Variants in EPM2A observed in about 807,000 individuals in gnomAD.
The protein encoded by EPM2A is laforin.
Under a neutral mutation model 26.5 loss-of-function variants are expected in EPM2A, and 21 were observed. The ratio of observed to expected loss-of-function variants is 0.79; its 90% CI spans 0.56 to 1.14. The LOEUF is 1.14. Ranked by LOEUF, EPM2A falls within the 50% of genes most tolerant of loss-of-function variation. The pLI is 0.00. For synonymous variants in EPM2A, 217 were observed against 177.6 expected, an observed-to-expected ratio of 1.22 and a Z score of -1.76; for missense variants, 458 against 440.8, an observed-to-expected ratio of 1.04 and a Z score of -0.35.
At position 145,602,775 on chromosome 6, in the gene EPM2A, G is replaced by C. The variant is rs145937441; in HGVS notation, c.340+32470C>G. Among the ~76,000 whole-genome samples the C allele has an allele frequency of 2.5e-3, 378 of 152,258 alleles. 4 individuals are homozygous for C. The highest frequency in any genetic ancestry group is 8.5e-3 in the African/African-American group (353 of 41,550). ...TCAAAACCATCTGACATAGGAAAAAGTGTTACGGAGGGGAAACTGAAATAG... is the reference window on the plus strand; with the variant it reads ...TCAAAACCATCTGACATAGGAAAAACTGTTACGGAGGGGAAACTGAAATAG... On this transcript the variant is annotated intron_variant, in intron 2 of 3. Transcript: ENST00000450221.
intron 4 of EPM2A, among the ~76,000 whole-genome samples, chr6:145,492,380 C>T (rs1779766696): frequency 6.6e-6 from 1 of 152,124 alleles, no homozygotes; most frequent in Non-Finnish European, 1.5e-5. Context: ...CCTGCCACCC[C>T]CAAGGCCCCT....
chr6:145,534,977 A>G (rs1411108076), intron 2 of EPM2A, among the ~76,000 whole-genome samples: 1 of 152,210 alleles, frequency 6.6e-6, no homozygotes, highest in African/African-American at 2.4e-5. Context: ...GAGCAGGCAC[A>G]TGATATTGTG....
Position 145,625,475 on chromosome 6 carries a change from A to T in EPM2A, c.*1941T>A. 1 of 533,374 alleles carries T rather than the reference A, an allele frequency of 1.9e-6. No individual in the cohort carries two copies. Among genetic ancestry groups the T allele is most frequent in the Non-Finnish European group, 3.3e-6 (1 of 300,296 alleles). The allele number at this position is 533,374 out of a possible 1,614,324, so 33.0% of individuals were successfully genotyped here. ...AAGGTAAAAATCCACCTGAAAAAAG[A>T]TCTTTGTATCATGGAAATTATGAAG... is the stretch of plus-strand genomic sequence containing the variant. On this transcript the variant is annotated 3_prime_UTR_variant, in exon 4 of 4. Transcript: ENST00000367519.
intron 3 of EPM2A, chr6:145,502,493 T>C (rs1779904684): frequency 2.1e-6 from 1 of 469,010 alleles, no homozygotes. Context: ...AGGAAGCTGC[T>C]CACTGGGAGG....
At chr6:145,511,699 G>A (rs1210213755) in intron 2 of EPM2A, among the ~76,000 whole-genome samples, 1 of 151,622 alleles carries the variant, frequency 6.6e-6, no homozygotes, top group African/African-American at 2.4e-5. Context: ...TAAGAAGTGA[G>A]ATGAGACAAA....
chr6:145,421,960 GA>G (rs1778790549), intron 4 of EPM2A, among the ~76,000 whole-genome samples: 1 of 149,324 alleles, frequency 6.7e-6, no homozygotes, highest in Non-Finnish European at 1.5e-5. Context: ...TATATAAAGT[GA>G]AAACTGATGG....
chr6:145,388,754 AC>A (rs1211920839), intron 4 of EPM2A, among the ~76,000 whole-genome samples: 2 of 152,122 alleles, frequency 1.3e-5, no homozygotes, highest in Non-Finnish European at 2.9e-5. Context: ...ATGAGTGAGA[AC>A]ATGCAGTGTT....
At chr6:145,543,380 A>G (rs1192718851) in intron 2 of EPM2A, among the ~76,000 whole-genome samples, 2 of 152,176 alleles carry the variant, frequency 1.3e-5, no homozygotes, top group Non-Finnish European at 2.9e-5. Flanking sequence ...GCCAAACCAT[A>G]GAATGGAGAA....
At chr6:145,480,404 C>T (rs565570866) in intron 4 of EPM2A, among the ~76,000 whole-genome samples, 28 of 152,018 alleles carry the variant, frequency 1.8e-4, no homozygotes, top group African/African-American at 6.8e-4. Flanking sequence ...CCCACCAGGG[C>T]CCCCTTCCAA....
Position 145,718,266 on chromosome 6 carries a change from C to G in EPM2A, c.301+16932G>C, listed in dbSNP as rs1231424512. On this transcript the variant is annotated intron_variant, in intron 1 of 3. Transcript: ENST00000367519. ...AAACAGCATGGTACTGGTACCAAAA[C>G]AGAGATATAGATCAATGGAACAGAA... Among the ~76,000 whole-genome samples the G allele has an allele frequency of 4.7e-5, 7 of 149,108 alleles. No homozygotes were observed. The South Asian group carries it at 1.3e-3, about 27-fold the overall frequency.
At chr6:145,440,438 C>T (rs1025798352) in intron 4 of EPM2A, among the ~76,000 whole-genome samples, 1 of 152,128 alleles carries the variant, frequency 6.6e-6, no homozygotes, top group Non-Finnish European at 1.5e-5. Context: ...CACCCTGGCC[C>T]CTCCCAAATC....
At chr6:145,567,867 A>G (rs1780904661) in intron 2 of EPM2A, among the ~76,000 whole-genome samples, 1 of 152,164 alleles carries the variant, frequency 6.6e-6, no homozygotes, top group Non-Finnish European at 1.5e-5. Flanking sequence ...TGCAGTGCCT[A>G]GAATAAGATG....
At chr6:145,386,580 A>G (rs1469405772) in intron 4 of EPM2A, among the ~76,000 whole-genome samples, 1 of 152,134 alleles carries the variant, frequency 6.6e-6, no homozygotes, top group East Asian at 1.9e-4. Context: ...ACTTTTTTTT[A>G]AAGTTCTTCA....
chr6:145,724,798 G>T (rs897549394), intron 1 of EPM2A, among the ~76,000 whole-genome samples: 1 of 151,916 alleles, frequency 6.6e-6, no homozygotes, highest in Non-Finnish European at 1.5e-5. Context: ...TCCATATGGG[G>T]AGCAAAAAGA....
At chr6:145,425,116 C>CCTTCCTTCCTT (rs1554235704) in intron 4 of EPM2A, among the ~76,000 whole-genome samples, 2 of 131,846 alleles carry the variant, frequency 1.5e-5, no homozygotes, top group Non-Finnish European at 3.3e-5. Context: ...ATGTAAGTCT[C>CCTTCCTTCCTT]CCTTCCTTCC....
chr6:145,462,003 G>A (rs1448558306), intron 4 of EPM2A, among the ~76,000 whole-genome samples: 1 of 152,140 alleles, frequency 6.6e-6, no homozygotes, highest in African/African-American at 2.4e-5. Flanking sequence ...TGCTGGATTC[G>A]AATCCCAGTT....
chr6:145,726,878 C>T (rs1776237323), intron 1 of EPM2A, among the ~76,000 whole-genome samples: 1 of 152,002 alleles, frequency 6.6e-6, no homozygotes, highest in Non-Finnish European at 1.5e-5. Context: ...AAATCTGGAT[C>T]CTAGTTAATA....
chr6:145,586,637 T>C (rs1414013161), intron 2 of EPM2A, among the ~76,000 whole-genome samples: 1 of 152,168 alleles, frequency 6.6e-6, no homozygotes, highest in South Asian at 2.1e-4. Flanking sequence ...ATGGGTAAGT[T>C]ATACACAAAC....
In EPM2A at chr6:145,647,145, G is replaced by A. The variant is rs144760095; in HGVS notation, c.477-11659C>T. 2.5e-3 allele frequency among the ~76,000 whole-genome samples: 375 copies of A among 152,214 alleles called. 4 individuals are homozygous for A. Among genetic ancestry groups the A allele is most frequent in the African/African-American group, 8.4e-3 (350 of 41,520 alleles). Reference sequence around the variant, plus strand: ...GCATAAAGCATGTGAAACCCACTCCGTATCCTGAAATACTGAGCTGAATAT... The same window carrying A: ...GCATAAAGCATGTGAAACCCACTCCATATCCTGAAATACTGAGCTGAATAT... On this transcript the variant is annotated intron_variant, in intron 2 of 3. Coordinates refer to ENST00000367519, the MANE Select transcript of EPM2A (RefSeq NM_005670.4).
Sources: allele counts gnomAD v4.1 joint callset (sites outside exome capture counted in the v4.1 genomes callset), GRCh38; gene constraint gnomAD v4.1.1; transcripts MANE v1.5; gene names NCBI Gene and HGNC (gene_info 2026-07-23, HGNC 2026-07-21).